Variants in FAM133A observed in about 807,000 individuals in gnomAD.
FAM133A encodes family with sequence similarity 133 member A.
For missense variants in FAM133A, 159 were observed against 164.4 expected, an observed-to-expected ratio of 0.97 and a Z score of 0.18; for synonymous variants, 65 against 58.6, an observed-to-expected ratio of 1.11 and a Z score of -0.50.
intron 2 of FAM133A, among the ~76,000 whole-genome samples, chrX:93,682,141 G>C (rs1439084873): frequency 1.8e-5 from 2 of 111,589 alleles, no homozygotes; most frequent in Non-Finnish European, 3.8e-5. Context: ...AGTGACCTTG[G>C]GCACATTTCT....
upstream of FAM133A, chrX:93,674,198 G>T (rs1050847491): frequency 9.0e-6 from 1 of 110,901 alleles, no homozygotes; most frequent in Non-Finnish European, 1.9e-5. Flanking sequence ...CCACGAAGCT[G>T]ATTTAATAAG....
chrX:93,703,686 G>A (rs1052050105), intron 3 of FAM133A, among the ~76,000 whole-genome samples: 4 of 112,102 alleles, frequency 3.6e-5, no homozygotes, highest in African/African-American at 9.7e-5. Flanking sequence ...AGAGTGAAGT[G>A]CTCATTTCTT....
At chrX:93,686,286 A>G (rs990921614) in intron 2 of FAM133A, among the ~76,000 whole-genome samples, 1 of 111,173 alleles carries the variant, frequency 9.0e-6, no homozygotes, top group Non-Finnish European at 1.9e-5. Context: ...CATAGCCTCT[A>G]GTAGGTAATT....
rs376335726 is a variant in FAM133A, at chrX:93,679,915, A to ATTTTTTTTT, written c.-193+5198_-193+5206dup. Among the ~76,000 whole-genome samples, 15 of 62,424 alleles carry ATTTTTTTTT rather than the reference A, an allele frequency of 2.4e-4. 2 individuals are homozygous for ATTTTTTTTT. The highest frequency in any genetic ancestry group is 1.0e-3 in the African/African-American group (12 of 11,997). 54.2% of individuals were successfully genotyped at this position (62,424 alleles called of 115,157 possible). On this transcript the variant is annotated intron_variant, in intron 2 of 3. Coordinates refer to ENST00000683942, the MANE Select transcript of FAM133A (RefSeq NM_001171109.2). ...AGGTGTGTACCACCACTCCTGGCAA[A>ATTTTTTTTT]TTTTTTTTTTTTTTTTTTTTTTTTT... is the stretch of plus-strand genomic sequence containing the variant.
chrX:93,702,869 A>T (rs1296638214), intron 3 of FAM133A, among the ~76,000 whole-genome samples: 1 of 83,267 alleles, frequency 1.2e-5, no homozygotes, highest in African/African-American at 5.1e-5. Flanking sequence ...AAAAAAAAAA[A>T]ACAACACTAG....
chrX:93,709,975 G>C lies in FAM133A; in HGVS notation c.556G>C (p.Asp186His), dbSNP rs774858405. 2 of 1,192,292 alleles carry C rather than the reference G, an allele frequency of 1.7e-6. No individual in the cohort carries two copies. Among genetic ancestry groups the C allele is most frequent in the Non-Finnish European group, 2.2e-6 (2 of 889,243 alleles). ...CAAAAAAAGAAAGAAAAGTTACCCT[G>C]ATGATAAACCTTTATCATCTGAGTC... is the stretch of plus-strand genomic sequence containing the variant. ...LSKKRKKSYPDDKPLSSESSS... is the reference protein window; with the variant it reads ...LSKKRKKSYPHDKPLSSESSS... Residue 186 changes from aspartate (D) to histidine (H), a missense_variant, in exon 4 of 4, where the codon GAT (aspartate) becomes CAT (histidine). By Grantham distance (81) the Asp-to-His change is moderately conservative. Coordinates refer to ENST00000683942, the MANE Select transcript of FAM133A (RefSeq NM_001171109.2).
At chrX:93,705,705 G>A (rs1283893015) in intron 3 of FAM133A, among the ~76,000 whole-genome samples, 1 of 110,456 alleles carries the variant, frequency 9.1e-6, no homozygotes, top group Non-Finnish European at 1.9e-5. Context: ...TTTATTCTTT[G>A]CCTCTGCTCT....
At position 93,710,152 on chromosome X, in the gene FAM133A, C is replaced by T; in HGVS notation, c.733C>T (p.His245Tyr). Residue 245 changes from histidine (H) to tyrosine (Y), a missense_variant, in exon 4 of 4, where the codon CAC becomes TAC. By Grantham distance (83) the His-to-Tyr change is moderately conservative. Transcript: ENST00000683942. ...GAAGAAAAAGAAGTCTGGATCAAGT[C>T]ACAAGTCAAGGTAACATCAAGAAAA... Reference protein sequence around the residue: ...KKKKKKSGSSHKSR With the variant: ...KKKKKKSGSSYKSR 8.5e-7 allele frequency: 1 copy of T among 1,175,126 alleles called. No individual in the cohort carries two copies. The highest frequency in any genetic ancestry group is 1.1e-6 in the Non-Finnish European group (1 of 883,515).
intron 2 of FAM133A, 46 bp downstream of exon 2, chrX:93,674,798 C>T (rs1924552358): frequency 9.0e-6 from 1 of 111,214 alleles, no homozygotes; most frequent in African/African-American, 3.3e-5. Flanking sequence ...AAAAATTACT[C>T]ATCTCCATCT....
Position 93,710,200 on chromosome X carries a change from G to A in FAM133A, c.*34G>A. 1 of 1,130,124 alleles carries A rather than the reference G, an allele frequency of 8.8e-7. No individual in the cohort carries two copies. Among genetic ancestry groups the A allele is most frequent in the Non-Finnish European group, 1.2e-6 (1 of 861,578 alleles). 93.1% of individuals were successfully genotyped at this position (1,130,124 alleles called of 1,213,427 possible). On this transcript the variant is annotated 3_prime_UTR_variant, in exon 4 of 4. Coordinates refer to ENST00000683942, the MANE Select transcript of FAM133A (RefSeq NM_001171109.2). ...AAAAAAGCAAGAATGAGTTTGCCGA[G>A]TTCCCCTGTGTTAGTAGAATTATTT...
At chrX:93,682,330 A>C (rs2147592828) in intron 2 of FAM133A, among the ~76,000 whole-genome samples, 1 of 112,352 alleles carries the variant, frequency 8.9e-6, no homozygotes, top group African/African-American at 3.2e-5. Context: ...AGTGGAACAT[A>C]GTTCTTTAAC....
At chrX:93,691,596 T>G (rs950984140) in intron 2 of FAM133A, among the ~76,000 whole-genome samples, 3 of 112,126 alleles carry the variant, frequency 2.7e-5, no homozygotes, top group Admixed American at 9.5e-5. Context: ...CTCTACGTTT[T>G]CAAGATTGTT....
intron 2 of FAM133A, among the ~76,000 whole-genome samples, chrX:93,695,514 A>G (rs1239734180): frequency 9.0e-6 from 1 of 110,532 alleles, no homozygotes; most frequent in Non-Finnish European, 1.9e-5. Context: ...AGGCCTCCCA[A>G]AGTGCTGGGA....
At chrX:93,690,174 C>A (rs912762422) in intron 2 of FAM133A, among the ~76,000 whole-genome samples, 46 of 111,328 alleles carry the variant, frequency 4.1e-4, no homozygotes, top group Admixed American at 4.0e-3. Context: ...TTAAGAAAAT[C>A]CACTAAATTG....
chrX:93,688,534 T>C (rs1021048131), intron 2 of FAM133A, among the ~76,000 whole-genome samples: 39 of 111,647 alleles, frequency 3.5e-4, no homozygotes, highest in African/African-American at 1.3e-3. Flanking sequence ...ATGTATCATT[T>C]ATTTATTTGT....
At chrX:93,675,109 C>A (rs1336064579) in intron 2 of FAM133A, among the ~76,000 whole-genome samples, 1 of 111,985 alleles carries the variant, frequency 8.9e-6, no homozygotes, top group Non-Finnish European at 1.9e-5. Flanking sequence ...TTTTCTGTTT[C>A]ATAAATGCAT....
intron 2 of FAM133A, among the ~76,000 whole-genome samples, chrX:93,697,877 T>G (rs2147640152): frequency 8.9e-6 from 1 of 111,931 alleles, no homozygotes; most frequent in African/African-American, 3.2e-5. Flanking sequence ...AAAAATGAAT[T>G]TATTTCTTAG....
intron 2 of FAM133A, among the ~76,000 whole-genome samples, chrX:93,697,298 T>C (rs1926374437): frequency 9.2e-6 from 1 of 109,275 alleles, no homozygotes. Context: ...CAGAGAGAAG[T>C]TTCTCCAACT....
At position 93,711,518 on chromosome X, in the gene FAM133A, A is replaced by G. The variant is rs185504839; in HGVS notation, c.*1352A>G. On this transcript the variant is annotated 3_prime_UTR_variant, in exon 4 of 4. Coordinates refer to ENST00000683942, the MANE Select transcript of FAM133A (RefSeq NM_001171109.2). ...TATATATCAGAGTAACATAAATTAT[A>G]AATTTGTGTCTCAAAACCACCTGTG... The G allele has an allele frequency of 8.1e-6, 1 of 123,069 alleles. No homozygotes were observed. Among genetic ancestry groups the G allele is most frequent in the East Asian group, 2.8e-4 (1 of 3,538 alleles). The allele number at this position is 123,069 out of a possible 1,213,427, so 10.1% of individuals were successfully genotyped here.
Sources: gnomAD v4.1 joint callset for allele counts (sites outside exome capture counted in the v4.1 genomes callset) on GRCh38, gnomAD v4.1.1 for gene constraint, MANE v1.5 for transcripts, NCBI Gene and HGNC (gene_info 2026-07-23, HGNC 2026-07-21) for gene names.